Variants in CAST observed in about 807,000 individuals in gnomAD.
CAST encodes the protein calpastatin.
A neutral mutation model predicts 119.6 loss-of-function variants in CAST; 76 were observed. The observed-to-expected ratio is 0.64, with a 90% CI of 0.53 to 0.77. The LOEUF is 0.77. Among genes scored for constraint, CAST ranks in the 30% least tolerant of loss-of-function variants. The pLI is 0.00. For synonymous variants in CAST, 319 were observed against 331.6 expected (o/e 0.96, Z 0.41); for missense variants, 953 against 946.5 (o/e 1.01, Z -0.09).
At chr5:96,414,008 G>A in the CAST span, among the ~76,000 whole-genome samples, 6 of 148,164 alleles carry the variant, frequency 4.0e-5, no homozygotes, top group African/African-American at 9.9e-5. Context: ...GCGTAGTGGC[G>A]GGTTCCTGTA....
intron 1 of CAST, among the ~76,000 whole-genome samples, chr5:96,601,001 G>A (rs753450468): frequency 6.6e-6 from 1 of 151,822 alleles, no homozygotes; most frequent in Non-Finnish European, 1.5e-5. Flanking sequence ...TCTGGTTTAC[G>A]AACCTACCTC....
the CAST span, among the ~76,000 whole-genome samples, chr5:96,147,463 C>T: frequency 6.6e-6 from 1 of 152,022 alleles, no homozygotes. Flanking sequence ...ATTAGCTGGT[C>T]TTGGTGGCGG....
the CAST span, among the ~76,000 whole-genome samples, chr5:96,125,051 C>A: frequency 6.6e-6 from 1 of 152,110 alleles, no homozygotes; most frequent in Non-Finnish European, 1.5e-5. Flanking sequence ...TTGGTTGGGG[C>A]AAAGATATCT....
the CAST span, among the ~76,000 whole-genome samples, chr5:96,253,072 T>TA: frequency 7.2e-5 from 11 of 152,270 alleles, no homozygotes; most frequent in East Asian, 5.8e-4. Context: ...GATACTTTTT[T>TA]AAAAAAATAA....
the CAST span, among the ~76,000 whole-genome samples, chr5:96,294,963 G>A: frequency 3.9e-5 from 6 of 152,164 alleles, no homozygotes; most frequent in African/African-American, 1.4e-4. Flanking sequence ...GGGCACATAA[G>A]CATCTCCAGA....
the CAST span, among the ~76,000 whole-genome samples, chr5:96,466,709 G>A: frequency 5.7e-3 from 860 of 151,996 alleles, 9 homozygotes; most frequent in Non-Finnish European, 7.9e-3. Context: ...CTCATTAATT[G>A]TATTACTGCT....
At chr5:96,089,473 A>G in the CAST span, among the ~76,000 whole-genome samples, 10 of 152,262 alleles carry the variant, frequency 6.6e-5, no homozygotes. Context: ...TCCACTTAAT[A>G]GAGGATGAGT....
At chr5:96,581,770 A>G (rs1271612340) in intron 1 of CAST, among the ~76,000 whole-genome samples, 1 of 152,120 alleles carries the variant, frequency 6.6e-6, no homozygotes, top group Non-Finnish European at 1.5e-5. Context: ...GGGTGCCTGT[A>G]GTCCCAGCTA....
intron 24 of CAST, chr5:96,761,255 A>G (rs910337696): frequency 2.0e-5 from 3 of 152,188 alleles, no homozygotes; most frequent in African/African-American, 7.2e-5. Context: ...AGACAATACA[A>G]ATGTTTCAAT....
At chr5:96,130,220 C>T in the CAST span, among the ~76,000 whole-genome samples, 1 of 151,724 alleles carries the variant, frequency 6.6e-6, no homozygotes, top group African/African-American at 2.4e-5. Flanking sequence ...CAATTTGATA[C>T]AATTAAAATA....
chr5:96,744,356 G>C (rs1022679918), intron 16 of CAST, among the ~76,000 whole-genome samples: 3 of 152,176 alleles, frequency 2.0e-5, no homozygotes, highest in Admixed American at 6.5e-5. Flanking sequence ...AAGTGAATGA[G>C]GAGCAAAGTC....
chr5:96,039,028 C>A, the CAST span, among the ~76,000 whole-genome samples: 1 of 152,282 alleles, frequency 6.6e-6, no homozygotes, highest in African/African-American at 2.4e-5. Flanking sequence ...ACCTTTCCAG[C>A]ATCTGTTGTT....
the CAST span, among the ~76,000 whole-genome samples, chr5:96,280,643 C>T: frequency 1.3e-5 from 2 of 152,170 alleles, no homozygotes; most frequent in Non-Finnish European, 2.9e-5. Flanking sequence ...TAGTTACTCA[C>T]TTTGCTTATT....
the CAST span, among the ~76,000 whole-genome samples, chr5:96,403,650 G>A: frequency 3.3e-5 from 5 of 152,138 alleles, no homozygotes; most frequent in African/African-American, 7.2e-5. Flanking sequence ...ATTAAACACC[G>A]AATTAAGCAT....
the CAST span, among the ~76,000 whole-genome samples, chr5:96,167,275 T>C: frequency 6.6e-6 from 1 of 152,116 alleles, no homozygotes; most frequent in Admixed American, 6.5e-5. Flanking sequence ...TGTGATGGCT[T>C]GGAGAAACAG....
the CAST span, among the ~76,000 whole-genome samples, chr5:96,252,829 G>A: frequency 1.3e-5 from 2 of 152,098 alleles, no homozygotes; most frequent in Non-Finnish European, 2.9e-5. Flanking sequence ...TTGATAAAAT[G>A]GGATGAAGAG....
At chr5:96,215,033 C>T in the CAST span, 1 of 151,968 alleles carries the variant, frequency 6.6e-6, no homozygotes, top group Non-Finnish European at 1.5e-5. Flanking sequence ...GAGAATGATC[C>T]GATTGGCCAG....
chr5:96,508,103 C>T, the CAST span, among the ~76,000 whole-genome samples: 14 of 151,836 alleles, frequency 9.2e-5, no homozygotes, highest in African/African-American at 3.4e-4. Context: ...TTAAGGGATC[C>T]TCCCACCTTG....
At chr5:96,502,128 G>A in the CAST span, among the ~76,000 whole-genome samples, 3,396 of 152,258 alleles carry the variant, frequency 0.022, 59 homozygotes, top group Non-Finnish European at 0.035. Context: ...CCACCCTGTA[G>A]ATTTAACCTT....
Sources: allele counts gnomAD v4.1 joint callset (sites outside exome capture counted in the v4.1 genomes callset), GRCh38; gene constraint gnomAD v4.1.1; transcripts MANE v1.5; gene names NCBI Gene and HGNC (gene_info 2026-07-23, HGNC 2026-07-21).